Variants in FYB1 observed in about 807,000 individuals in gnomAD.
FYB1 encodes the protein FYN binding protein 1, also known as FYN-binding protein 1.
In FYB1, 41 loss-of-function variants were observed where a neutral mutation model predicts 94.1. The observed-to-expected ratio is 0.44, with a 90% CI of 0.34 to 0.57. FYB1 has a LOEUF of 0.57. FYB1 is among the 20% of genes least tolerant of loss of function. FYB1 has a pLI of 0.02. For synonymous variants in FYB1, 367 were observed against 353.2 expected (o/e 1.04, Z -0.44); for missense variants, 1,050 against 976.8 (o/e 1.07, Z -1.00).
chr5:39,137,458 T>C, intron 7 of FYB1, 142 bp downstream of exon 7: 2 of 933,992 alleles, frequency 2.1e-6, no homozygotes, highest in Non-Finnish European at 3.1e-6. Context: ...GACAAAAAAG[T>C]ACTGTTATGA....
intron 2 of FYB1, among the ~76,000 whole-genome samples, chr5:39,164,811 G>T (rs1402121621): frequency 6.6e-6 from 1 of 152,222 alleles, no homozygotes; most frequent in Non-Finnish European, 1.5e-5. Flanking sequence ...GACCAGTGTG[G>T]TTCATCCAGG....
At chr5:39,118,193 C>T (rs1016395682) in intron 16 of FYB1, among the ~76,000 whole-genome samples, 2 of 152,148 alleles carry the variant, frequency 1.3e-5, no homozygotes, top group Non-Finnish European at 2.9e-5. Flanking sequence ...CATGAGCCAC[C>T]GCACCTGGCC....
rs1760372028 is a variant in FYB1 at position 39,106,292 on chromosome 5, T to C, written c.*1151A>G. The C allele has an allele frequency of 6.6e-6, 1 of 152,168 alleles. No individual in the cohort carries two copies. The highest frequency in any genetic ancestry group is 2.4e-5 in the African/African-American group (1 of 41,446). The allele number at this position is 152,168 out of a possible 1,614,324, so 9.4% of individuals were successfully genotyped here. A position where few individuals can be genotyped will look rare whatever the true frequency, so the allele number is the denominator to read the frequency against. Reference sequence around the variant, plus strand: ...AAGAGCCAGCATTATGATGTACTCATTTTGTACTCTAGGAGTTGTTAAAAA... The same window carrying C: ...AAGAGCCAGCATTATGATGTACTCACTTTGTACTCTAGGAGTTGTTAAAAA... On this transcript the variant is annotated 3_prime_UTR_variant, in exon 19 of 19. Transcript: ENST00000512982.
At chr5:39,124,140 A>G in intron 13 of FYB1, 113 bp downstream of exon 13, 1 of 737,604 alleles carries the variant, frequency 1.4e-6, no homozygotes, top group Admixed American at 3.7e-5. Context: ...AGGCTACACA[A>G]TTTATTATTT....
At chr5:39,261,243 A>T (rs1752193787) in intron 1 of FYB1, among the ~76,000 whole-genome samples, 1 of 151,456 alleles carries the variant, frequency 6.6e-6, no homozygotes, top group Non-Finnish European at 1.5e-5. Flanking sequence ...ACCATGGCAC[A>T]CATGTACCTA....
chr5:39,264,821 C>A (rs1429419613), intron 1 of FYB1, among the ~76,000 whole-genome samples: 1 of 152,148 alleles, frequency 6.6e-6, no homozygotes. Flanking sequence ...CTGCTTCAGC[C>A]TGAACATCCC....
chr5:39,107,217 T>A lies in FYB1; in HGVS notation c.*226A>T, dbSNP rs1051211847. 9.1e-6 allele frequency: 3 copies of A among 330,966 alleles called. No individual in the cohort carries two copies. Among genetic ancestry groups the A allele is most frequent in the Non-Finnish European group, 1.7e-5 (3 of 176,076 alleles). The allele number at this position is 330,966 out of a possible 1,614,324, so 20.5% of individuals were successfully genotyped here. A position where few individuals can be genotyped will look rare whatever the true frequency, so the allele number is the denominator to read the frequency against. ...GCCAAAGCGGAAATGGAATATTTAA[T>A]AATTCTTACATCTCACTAATGTAGT... On this transcript the variant is annotated 3_prime_UTR_variant, in exon 19 of 19. Coordinates refer to ENST00000512982, the MANE Select transcript of FYB1 (RefSeq NM_001465.6).
intron 1 of FYB1, among the ~76,000 whole-genome samples, chr5:39,229,683 C>T (rs1397577903): frequency 2.0e-5 from 3 of 152,010 alleles, no homozygotes; most frequent in Non-Finnish European, 4.4e-5. Context: ...TAGTTTAATC[C>T]TCATAATATT....
At position 39,138,903 on chromosome 5, in the gene FYB1, T is replaced by C. The variant is rs1741901216; in HGVS notation, c.1360-212A>G. On this transcript the variant is annotated intron_variant, in intron 5 of 18. Transcript: ENST00000512982. ...CAAATACTCAGTAAAACAACTATTG[T>C]ATGTAAGTTTGGCTTATTTAAAATA... 1.2e-5 allele frequency: 7 copies of C among 597,064 alleles called. 1 individual carries two copies. In the South Asian group the frequency reaches 1.3e-4, roughly 11 times the overall value. The allele number at this position is 597,064 out of a possible 1,614,324, so 37.0% of individuals were successfully genotyped here.
chr5:39,234,882 G>T (rs113949959), intron 1 of FYB1, among the ~76,000 whole-genome samples: 1 of 151,900 alleles, frequency 6.6e-6, no homozygotes, highest in South Asian at 2.1e-4. Context: ...ATACACCAGG[G>T]CCTGTCAGGG....
intron 2 of FYB1, among the ~76,000 whole-genome samples, chr5:39,155,556 A>G (rs1259918424): frequency 1.3e-5 from 2 of 152,188 alleles, no homozygotes; most frequent in Non-Finnish European, 2.9e-5. Flanking sequence ...CCTCCAGTCT[A>G]TTCAATCAAT....
At chr5:39,245,700 G>A (rs921113068) in intron 1 of FYB1, among the ~76,000 whole-genome samples, 6 of 151,920 alleles carry the variant, frequency 3.9e-5, no homozygotes, top group Non-Finnish European at 8.8e-5. Flanking sequence ...CCGGGTTCAA[G>A]TGATTCTACT....
intron 2 of FYB1, 120 bp downstream of exon 2, chr5:39,201,706 A>T: frequency 3.5e-6 from 3 of 868,568 alleles, no homozygotes; most frequent in South Asian, 4.3e-5. Flanking sequence ...AAAATTCATT[A>T]TACACATATG....
At chr5:39,201,116 A>G (rs1035782221) in intron 2 of FYB1, among the ~76,000 whole-genome samples, 2 of 152,250 alleles carry the variant, frequency 1.3e-5, no homozygotes, top group Non-Finnish European at 2.9e-5. Flanking sequence ...AATGGAAAAT[A>G]GCTAAAATGT....
At chr5:39,108,832 G>C (rs1738785329) in intron 17 of FYB1, among the ~76,000 whole-genome samples, 1 of 151,944 alleles carries the variant, frequency 6.6e-6, no homozygotes, top group Non-Finnish European at 1.5e-5. Context: ...ATTATAGGCA[G>C]CATCCATAAT....
upstream of FYB1, among the ~76,000 whole-genome samples, chr5:39,221,787 A>T (rs1288078020): frequency 2.0e-5 from 3 of 152,172 alleles, no homozygotes; most frequent in Non-Finnish European, 4.4e-5. Context: ...ACCTGAGGTC[A>T]GGAGTTCGAG....
chr5:39,114,267 A>G (rs1425146049), intron 16 of FYB1, among the ~76,000 whole-genome samples: 22 of 152,154 alleles, frequency 1.4e-4, no homozygotes, highest in Admixed American at 1.4e-3. Context: ...TGGAATATGT[A>G]TAAATACTAG....
chr5:39,243,586 C>T (rs927810920), intron 1 of FYB1, among the ~76,000 whole-genome samples: 3 of 152,088 alleles, frequency 2.0e-5, no homozygotes, highest in African/African-American at 7.2e-5. Context: ...ATGCCTCCAG[C>T]TTTGTTCTTT....
chr5:39,114,411 T>C (rs1318359360), intron 16 of FYB1, among the ~76,000 whole-genome samples: 3 of 152,210 alleles, frequency 2.0e-5, no homozygotes, highest in African/African-American at 7.2e-5. Flanking sequence ...GTGGCTGATG[T>C]CCCACTGCGT....
Sources: gnomAD v4.1 joint callset for allele counts (sites outside exome capture counted in the v4.1 genomes callset) on GRCh38, gnomAD v4.1.1 for gene constraint, MANE v1.5 for transcripts, NCBI Gene and HGNC (gene_info 2026-07-23, HGNC 2026-07-21) for gene names.